SLC16A10: variants seen among roughly 807,000 people sequenced by gnomAD.
SLC16A10 encodes monocarboxylate transporter 10.
Under a neutral mutation model 40.0 loss-of-function variants are expected in SLC16A10, and 27 were observed. The ratio of observed to expected loss-of-function variants is 0.67; its 90% confidence interval spans 0.50 to 0.93. The LOEUF (loss-of-function observed/expected upper bound fraction) is 0.93. Ranked by LOEUF, SLC16A10 falls within the 40% of genes least tolerant of loss-of-function variation. The pLI is 0.00. For missense variants in SLC16A10, 529 were observed against 658.2 expected, an observed-to-expected ratio of 0.80 and a Z score of 2.15; for synonymous variants, 213 against 249.8, an observed-to-expected ratio of 0.85 and a Z score of 1.39.
At chr6:111,153,738 A>T (rs902491748) in intron 1 of SLC16A10, among the ~76,000 whole-genome samples, 2 of 152,212 alleles carry the variant, frequency 1.3e-5, no homozygotes, top group Non-Finnish European at 2.9e-5. Flanking sequence ...CAAAGATTGA[A>T]TGAAACCGTA....
chr6:111,194,438 A>C (rs1311987182), intron 3 of SLC16A10, among the ~76,000 whole-genome samples: 1 of 152,194 alleles, frequency 6.6e-6, no homozygotes, highest in Non-Finnish European at 1.5e-5. Context: ...ATGGAAATGG[A>C]TGCCAAGAAG....
intron 1 of SLC16A10, among the ~76,000 whole-genome samples, chr6:111,142,003 G>A (rs886098034): frequency 1.4e-5 from 2 of 142,362 alleles, no homozygotes; most frequent in African/African-American, 5.2e-5. Flanking sequence ...TGCTATTGAA[G>A]CAGAATAAAG....
At chr6:111,100,712 A>G (rs1771160228) in intron 1 of SLC16A10, among the ~76,000 whole-genome samples, 1 of 152,000 alleles carries the variant, frequency 6.6e-6, no homozygotes, top group Admixed American at 6.6e-5. Context: ...TCACTCCCAC[A>G]GATGAATCAT....
chr6:111,092,082 G>C (rs1161572782), intron 1 of SLC16A10, among the ~76,000 whole-genome samples: 1 of 152,078 alleles, frequency 6.6e-6, no homozygotes, highest in African/African-American at 2.4e-5. Context: ...GGTGGGGAAG[G>C]CATTTGACGC....
chr6:111,187,720 A>G (rs1156803929), intron 3 of SLC16A10, among the ~76,000 whole-genome samples: 1 of 152,220 alleles, frequency 6.6e-6, no homozygotes, highest in East Asian at 1.9e-4. Flanking sequence ...GTCAACTCAT[A>G]GGGTTCATTT....
At chr6:111,089,130 TATTTTTAGAG>T (rs1427859382) in intron 1 of SLC16A10, among the ~76,000 whole-genome samples, 1 of 152,194 alleles carries the variant, frequency 6.6e-6, no homozygotes, top group Non-Finnish European at 1.5e-5. Context: ...GATTTTCTAT[TATTTTTAGAG>T]TGAATATTTC....
intron 1 of SLC16A10, among the ~76,000 whole-genome samples, chr6:111,122,051 A>T (rs1432878645): frequency 6.6e-6 from 1 of 152,096 alleles, no homozygotes; most frequent in Admixed American, 6.5e-5. Context: ...ACTGGGTCAC[A>T]TGGGAGAGGA....
intron 1 of SLC16A10, among the ~76,000 whole-genome samples, chr6:111,155,505 A>C (rs1772255390): frequency 6.6e-6 from 1 of 152,124 alleles, no homozygotes. Flanking sequence ...TGGCCCAAAA[A>C]ACATAATAAT....
At chr6:111,097,305 A>G (rs1771090899) in intron 1 of SLC16A10, among the ~76,000 whole-genome samples, 1 of 151,798 alleles carries the variant, frequency 6.6e-6, no homozygotes, top group Non-Finnish European at 1.5e-5. Flanking sequence ...TTTATTTTTT[A>G]AATTTTTATT....
chr6:111,115,052 T>C (rs1011117136), intron 1 of SLC16A10, among the ~76,000 whole-genome samples: 3 of 152,112 alleles, frequency 2.0e-5, no homozygotes, highest in Admixed American at 6.6e-5. Flanking sequence ...TATTTAATTG[T>C]ATGTTCTTCT....
intron 1 of SLC16A10, among the ~76,000 whole-genome samples, chr6:111,149,999 A>G (rs1316066378): frequency 6.6e-6 from 1 of 152,224 alleles, no homozygotes; most frequent in East Asian, 1.9e-4. Context: ...CTGAGTAGAT[A>G]CCTCATAGAA....
intron 1 of SLC16A10, among the ~76,000 whole-genome samples, chr6:111,152,474 C>A (rs989648459): frequency 1.3e-5 from 2 of 152,206 alleles, no homozygotes; most frequent in Non-Finnish European, 2.9e-5. Flanking sequence ...TAATCCTTAG[C>A]TCCATTCTGT....
intron 1 of SLC16A10, among the ~76,000 whole-genome samples, chr6:111,136,381 G>A (rs189355343): frequency 2.0e-5 from 3 of 152,302 alleles, no homozygotes; most frequent in East Asian, 1.9e-4. Context: ...GGGTAGTGGC[G>A]GCAGTAGCAG....
intron 1 of SLC16A10, among the ~76,000 whole-genome samples, chr6:111,130,962 G>A (rs1771770690): frequency 6.6e-6 from 1 of 152,222 alleles, no homozygotes; most frequent in African/African-American, 2.4e-5. Context: ...CATAGGGTAG[G>A]TATGAGGATT....
At chr6:111,139,288 G>T (rs540807191) in intron 1 of SLC16A10, among the ~76,000 whole-genome samples, 14 of 151,132 alleles carry the variant, frequency 9.3e-5, no homozygotes, top group Non-Finnish European at 2.1e-4. Context: ...CCCTTTTTCA[G>T]ATCTAGACCT....
chr6:111,155,869 A>C (rs373710828), intron 1 of SLC16A10, among the ~76,000 whole-genome samples: 60 of 152,298 alleles, frequency 3.9e-4, no homozygotes, highest in Middle Eastern at 3.4e-3. Flanking sequence ...TGCAACAAAA[A>C]CACCTAGCAC....
At chr6:111,092,173 G>A (rs903513517) in intron 1 of SLC16A10, among the ~76,000 whole-genome samples, 1 of 152,142 alleles carries the variant, frequency 6.6e-6, no homozygotes, top group African/African-American at 2.4e-5. Flanking sequence ...AAGTTGGGCA[G>A]TAGAACCAAT....
chr6:111,102,039 T>A (rs1010102094), intron 1 of SLC16A10, among the ~76,000 whole-genome samples: 2 of 152,256 alleles, frequency 1.3e-5, no homozygotes, highest in African/African-American at 4.8e-5. Flanking sequence ...GTAAGTGTGA[T>A]GTTCTACCAT....
intron 3 of SLC16A10, among the ~76,000 whole-genome samples, chr6:111,180,556 A>G (rs1056981473): frequency 5.3e-5 from 8 of 149,962 alleles, no homozygotes; most frequent in African/African-American, 2.0e-4. Flanking sequence ...CTCTAAAAAA[A>G]ATTATAAAGT....
Sources: allele counts gnomAD v4.1 joint callset (sites outside exome capture counted in the v4.1 genomes callset), GRCh38; gene constraint gnomAD v4.1.1; transcripts MANE v1.5; gene names NCBI Gene and HGNC (gene_info 2026-07-23, HGNC 2026-07-21).